TVP23A: variants seen among roughly 807,000 people sequenced by gnomAD.
TVP23A encodes Golgi apparatus membrane protein TVP23 homolog A.
TVP23A carries 21 observed loss-of-function variants against 31.7 expected under a neutral mutation model. That is an observed-to-expected ratio of 0.66 (90% CI 0.47 to 0.95). The LOEUF (loss-of-function observed/expected upper bound fraction) is 0.95. TVP23A is among the 40% of genes least tolerant of loss of function. The pLI, the probability that TVP23A is intolerant of heterozygous loss-of-function variation, is 0.00. For synonymous variants in TVP23A, 104 were observed against 96.0 expected (o/e 1.08, Z -0.49); for missense variants, 279 against 255.6 (o/e 1.09, Z -0.62).
At chr16:10,763,353 G>C (rs548417649), downstream of TVP23A, among the ~76,000 whole-genome samples, 80 of 152,202 alleles carry the variant, frequency 5.3e-4, no homozygotes, top group African/African-American at 1.6e-3. Flanking sequence ...GAAGTGGTAG[G>C]GGGGTAGGGT....
In TVP23A at chr16:10,798,183, T is replaced by A. The variant is rs554342612; in HGVS notation, c.89+19920A>T. ...ACCATGTTAGCCAGGATGGTCTCGATCTCCTGACCTTGTTATCTGCCCGCC... is the reference window on the plus strand; with the variant it reads ...ACCATGTTAGCCAGGATGGTCTCGAACTCCTGACCTTGTTATCTGCCCGCC... On this transcript the variant is annotated intron_variant, in intron 2 of 7. Transcript: ENST00000299866. 5.9e-5 allele frequency among the ~76,000 whole-genome samples: 9 copies of A among 152,044 alleles called. No individual in the cohort carries two copies. The East Asian group carries it at 1.7e-3, about 29-fold the overall frequency.
At chr16:10,762,770 G>A (rs2030166868), downstream of TVP23A, among the ~76,000 whole-genome samples, 1 of 152,184 alleles carries the variant, frequency 6.6e-6, no homozygotes, top group African/African-American at 2.4e-5. Context: ...GAGGGGCCGG[G>A]CGGGTGAAGT....
In TVP23A at chr16:10,794,829, T is replaced by C. The variant is rs149610509; in HGVS notation, c.90-19733A>G. Among the ~76,000 whole-genome samples the C allele has an allele frequency of 3.0e-3, 462 of 152,046 alleles. 1 individual carries two copies. The highest frequency in any genetic ancestry group is 0.011 in the African/African-American group (438 of 41,480). The stretch of plus-strand genomic sequence containing the variant: ...CCTCTGGGCTAGCAGCTGCTCTGAG[T>C]GGCAGAATCAACAGGAGGTCCTAGG... On this transcript the variant is annotated intron_variant, in intron 2 of 7. Transcript: ENST00000299866.
chr16:10,769,943 A>G (rs1193731766), intron 7 of TVP23A, among the ~76,000 whole-genome samples: 1 of 152,192 alleles, frequency 6.6e-6, no homozygotes, highest in Non-Finnish European at 1.5e-5. Context: ...GGTGGGTGGG[A>G]AACAAGAACA....
Position 10,773,416 on chromosome 16 carries a change from G to C in TVP23A, c.350C>G (p.Thr117Arg), listed in dbSNP as rs1193676897. 6.2e-7 allele frequency: 1 copy of C among 1,609,756 alleles called. No homozygotes were observed. The highest frequency in any genetic ancestry group is 1.7e-5 in the Admixed American group (1 of 58,704). Residue 117 changes from threonine (T) to arginine (R), a missense_variant, in exon 5 of 8, where the codon ACA (threonine) becomes AGA (arginine). By Grantham distance (71) the Thr-to-Arg change is moderately conservative. Coordinates refer to ENST00000299866, the MANE Select transcript of TVP23A (RefSeq NM_001079512.4). ...RKVSPNSIAA[T>R]EAEARIFWLG... ...CCAGAAGATTCGTGCTTCAGCTTCT[G>C]TGGCAGCAATGCTATTCGGAGAGAC...
rs763623539 is a variant in TVP23A at position 10,774,133 on chromosome 16, G to T, written c.235-5C>A. The T allele has an allele frequency of 1.2e-6, 2 of 1,604,488 alleles. No homozygotes were observed. The highest frequency in any genetic ancestry group is 8.5e-7 in the Non-Finnish European group (1 of 1,174,840). ...CAGGAGTCTTCCGGTTACATTCTGA[G>T]AACAATAGACAAAGGACTCTGAGCA... is the stretch of plus-strand genomic sequence containing the variant. On this transcript the variant is annotated splice_polypyrimidine_tract_variant and splice_region_variant and intron_variant, in intron 3 of 7. Transcript: ENST00000299866.
intron 2 of TVP23A, among the ~76,000 whole-genome samples, chr16:10,780,317 G>C (rs2032345985): frequency 6.6e-6 from 1 of 152,010 alleles, no homozygotes; most frequent in African/African-American, 2.4e-5. Context: ...AAACTTGTTT[G>C]TGGAGGCCTG....
At chr16:10,778,688 G>A (rs940297983) in intron 2 of TVP23A, among the ~76,000 whole-genome samples, 7 of 151,542 alleles carry the variant, frequency 4.6e-5, no homozygotes, top group South Asian at 2.1e-4. Context: ...ATAGAGGGTC[G>A]GGCGCGGTGG....
At chr16:10,816,563 A>G (rs2034448000) in intron 2 of TVP23A, among the ~76,000 whole-genome samples, 1 of 152,044 alleles carries the variant, frequency 6.6e-6, no homozygotes, top group Admixed American at 6.6e-5. Context: ...CAAACTTCTG[A>G]CCTCAAGTGA....
chr16:10,803,266 T>TGTGTGTGTGTGTGTGTGTGTGTGTGTGC (rs1417303722), intron 2 of TVP23A, among the ~76,000 whole-genome samples: 21 of 151,820 alleles, frequency 1.4e-4, no homozygotes, highest in Admixed American at 1.1e-3. Flanking sequence ...TGTGTGTGTG[T>TGTGTGTGTGTGTGTGTGTGTGTGTGTGC]GTGTGTGTGT....
intron 2 of TVP23A, among the ~76,000 whole-genome samples, chr16:10,795,996 T>C (rs940417226): frequency 2.6e-5 from 4 of 152,000 alleles, no homozygotes; most frequent in African/African-American, 9.7e-5. Flanking sequence ...TGCAACAGGA[T>C]GCAACCAGCA....
In TVP23A at chr16:10,779,700, A is replaced by G. The variant is rs1442427715; in HGVS notation, c.90-4604T>C. On this transcript the variant is annotated intron_variant, in intron 2 of 7. Transcript: ENST00000299866. This position sits in a 1 kb window ranked among gnomAD's most constrained non-coding sequence, Gnocchi z 4.9. ...GTAGCCAGTTACAGGGAGAAGACCT[A>G]GAAAATATCGCCAGGCCAACTTAAA... Among the ~76,000 whole-genome samples, 2 of 152,258 alleles carry G rather than the reference A, an allele frequency of 1.3e-5. No homozygotes were observed. Among genetic ancestry groups the G allele is most frequent in the African/African-American group, 4.8e-5 (2 of 41,474 alleles).
chr16:10,791,667 GCACAA>G (rs1468421600), intron 2 of TVP23A, among the ~76,000 whole-genome samples: 6 of 152,262 alleles, frequency 3.9e-5, no homozygotes, highest in African/African-American at 1.4e-4. Context: ...GAGTGCAGTG[GCACAA>G]TCTTGGCTCA....
chr16:10,780,055 TCCAG>T (rs2032325036), intron 2 of TVP23A, among the ~76,000 whole-genome samples: 4 of 152,084 alleles, frequency 2.6e-5, no homozygotes. Flanking sequence ...GCCACTGGAC[TCCAG>T]CCTGGGCGAC....
At chr16:10,811,510 T>C (rs1281093670) in intron 2 of TVP23A, among the ~76,000 whole-genome samples, 7 of 151,856 alleles carry the variant, frequency 4.6e-5, no homozygotes, top group Admixed American at 3.3e-4. Flanking sequence ...CCTCAAGCAA[T>C]CCACCTGACT....
chr16:10,763,951 T>A (rs1255950518), downstream of TVP23A: 1 of 186,964 alleles, frequency 5.3e-6, no homozygotes, highest in Non-Finnish European at 1.1e-5. Context: ...CAAGGGAGTA[T>A]CTCAGCCCAC....
intron 2 of TVP23A, among the ~76,000 whole-genome samples, chr16:10,797,552 CAA>C (rs34439062): frequency 2.9e-5 from 4 of 138,312 alleles, no homozygotes; most frequent in Admixed American, 7.2e-5. Flanking sequence ...AACTTCATCT[CAA>C]AAAAAAAAAA....
intron 5 of TVP23A, 84 bp from the exon 6 acceptor site, chr16:10,771,882 G>A (rs1043342924): frequency 3.8e-5 from 57 of 1,499,702 alleles, no homozygotes; most frequent in African/African-American, 4.2e-5. Context: ...GCAGAGGCAC[G>A]ATCTCAGCTC....
Position 10,818,326 on chromosome 16 carries a change from G to A in TVP23A, c.10-144C>T, listed in dbSNP as rs2034533793. ...TCCGAGCTGGCGGGGCCCCTCCGCTGCGGCTGCAGTGCAAAGCCCTCTCCA... is the reference window on the plus strand; with the variant it reads ...TCCGAGCTGGCGGGGCCCCTCCGCTACGGCTGCAGTGCAAAGCCCTCTCCA... On this transcript the variant is annotated intron_variant, in intron 1 of 7. Transcript: ENST00000299866. The surrounding 1 kb of genome is among the most constrained non-coding windows in gnomAD (Gnocchi z 4.7). 3 of 1,353,370 alleles carry A rather than the reference G, an allele frequency of 2.2e-6. No homozygotes were observed. The highest frequency in any genetic ancestry group is 2.0e-5 in the Admixed American group (1 of 49,408). 83.8% of individuals were successfully genotyped at this position (1,353,370 alleles called of 1,614,324 possible).
Sources: gnomAD v4.1 joint callset for allele counts (sites outside exome capture counted in the v4.1 genomes callset) on GRCh38, gnomAD v4.1.1 for gene constraint, Gnocchi (gnomAD v3.1) non-coding constraint, MANE v1.5 for transcripts, NCBI Gene and HGNC (gene_info 2026-07-23, HGNC 2026-07-21) for gene names.